B3GAT1: variants seen among roughly 807,000 people sequenced by gnomAD.
The protein encoded by B3GAT1 is beta-1,3-glucuronyltransferase 1.
In B3GAT1, 11 loss-of-function variants were observed where a neutral mutation model predicts 28.4. That is an observed-to-expected ratio of 0.39 (90% CI 0.24 to 0.64). The LOEUF is 0.64. Ranked by LOEUF, B3GAT1 falls within the 30% of genes least tolerant of loss-of-function variation. B3GAT1 has a pLI of 0.50. For missense variants in B3GAT1, 375 were observed against 491.0 expected (o/e 0.76, Z 2.23); for synonymous variants, 255 against 223.1 (o/e 1.14, Z -1.27).
intron 1 of B3GAT1, among the ~76,000 whole-genome samples, chr11:134,400,642 A>T (rs185237380): frequency 9.9e-5 from 15 of 152,204 alleles, no homozygotes; most frequent in Non-Finnish European, 2.2e-4. Flanking sequence ...ATGTTGTAAG[A>T]CTTCAAACTA....
chr11:134,387,245 T>A, intron 2 of B3GAT1: 5 of 297,768 alleles, frequency 1.7e-5, no homozygotes, highest in South Asian at 5.0e-5. Context: ...ACCTCCGACC[T>A]CAGCACTTCC....
chr11:134,387,973 A>G (rs1310696731), intron 1 of B3GAT1, 33 bp from the exon 2 acceptor site: 3 of 929,360 alleles, frequency 3.2e-6, no homozygotes, highest in Non-Finnish European at 3.1e-6. Context: ...ATAGCCAGAG[A>G]CCCAGGTATA....
In B3GAT1 at chr11:134,379,677, C is replaced by T. The variant is rs1196782801; in HGVS notation, c.*1085G>A. On this transcript the variant is annotated 3_prime_UTR_variant, in exon 6 of 6. Transcript: ENST00000312527. ...CCAGCAGCCCCTGCCCCCTCTTTCC[C>T]AGCCCCTCTGCTACTCCAGAGTCCC... 6.6e-6 allele frequency: 1 copy of T among 152,446 alleles called. No individual in the cohort carries two copies. The highest frequency in any genetic ancestry group is 1.5e-5 in the Non-Finnish European group (1 of 68,202). 9.4% of individuals were successfully genotyped at this position (152,446 alleles called of 1,614,324 possible). A position where few individuals can be genotyped will look rare whatever the true frequency, so the allele number is the denominator to read the frequency against.
At chr11:134,409,153 G>T (rs563321147) in intron 1 of B3GAT1, among the ~76,000 whole-genome samples, 2 of 152,192 alleles carry the variant, frequency 1.3e-5, no homozygotes, top group African/African-American at 4.8e-5. Context: ...CCAGGAAGCC[G>T]GGGCTTAGAG....
chr11:134,388,642 T>G (rs1468431987), intron 1 of B3GAT1: 4 of 152,340 alleles, frequency 2.6e-5, no homozygotes, highest in Non-Finnish European at 5.9e-5. Context: ...GTGTGTATTC[T>G]TCTCATGTTT....
At position 134,393,840 on chromosome 11, in the gene B3GAT1, A is replaced by C. The variant is rs80021729; in HGVS notation, c.-281-5900T>G. Reference sequence around the variant, plus strand: ...CTGCTGGTTAAGACAGCTGCTGTTCATATCATCTCTGTCACCCAGGAACCC... The same window carrying C: ...CTGCTGGTTAAGACAGCTGCTGTTCCTATCATCTCTGTCACCCAGGAACCC... On this transcript the variant is annotated intron_variant, in intron 1 of 5. Transcript: ENST00000312527. The surrounding 1 kb of genome is among the most constrained non-coding windows in gnomAD (Gnocchi z 4.0). Among the ~76,000 whole-genome samples the C allele has an allele frequency of 0.1, 15,292 of 152,162 alleles. 896 individuals are homozygous for C. The highest frequency in any genetic ancestry group is 0.13 in the Non-Finnish European group (9,167 of 67,960).
At chr11:134,387,470 A>T in intron 2 of B3GAT1, 78 bp downstream of exon 2, 10 of 1,576,858 alleles carry the variant, frequency 6.3e-6, no homozygotes, top group Non-Finnish European at 7.7e-6. Context: ...GAGTGCAAGC[A>T]AGAACCCTGC....
At position 134,411,969 on chromosome 11, in the gene B3GAT1, G is replaced by T. The variant is rs1478601686; in HGVS notation, c.-444C>A. 2.1e-5 allele frequency: 3 copies of T among 141,168 alleles called. No homozygotes were observed. Among genetic ancestry groups the T allele is most frequent in the Non-Finnish European group, 3.1e-5 (2 of 63,654 alleles). 8.7% of individuals were successfully genotyped at this position (141,168 alleles called of 1,614,324 possible). ...CCGGGGGCCACTTCATAGCCGCGGG[G>T]TCCGCGCGCCCGCCCGCCCCGCCCG... On this transcript the variant is annotated 5_prime_UTR_variant, in exon 1 of 6. Transcript: ENST00000312527. This position sits in a 1 kb window ranked among gnomAD's most constrained non-coding sequence, Gnocchi z 6.0.
intron 1 of B3GAT1, among the ~76,000 whole-genome samples, chr11:134,408,722 G>T (rs1251601551): frequency 4.3e-4 from 33 of 77,200 alleles, no homozygotes; most frequent in Admixed American, 4.0e-3. Context: ...AGCCTGCACC[G>T]ATTCCAGTGG....
intron 1 of B3GAT1, among the ~76,000 whole-genome samples, chr11:134,400,440 C>G (rs114265866): frequency 6.6e-6 from 1 of 152,144 alleles, no homozygotes; most frequent in African/African-American, 2.4e-5. Flanking sequence ...CGGAAAACAC[C>G]TAGCATAAGG....
intron 1 of B3GAT1, among the ~76,000 whole-genome samples, chr11:134,401,973 G>C (rs1012794832): frequency 5.7e-5 from 7 of 123,000 alleles, no homozygotes; most frequent in South Asian, 3.7e-4. Flanking sequence ...CCTGGGGCGG[G>C]GGGGGGCGGG....
chr11:134,387,250 A>C, intron 2 of B3GAT1: 1 of 344,542 alleles, frequency 2.9e-6, no homozygotes, highest in South Asian at 5.0e-5. Context: ...CGACCTCAGC[A>C]CTTCCCCAGG....
At chr11:134,394,597 C>T (rs78212286) in intron 1 of B3GAT1, among the ~76,000 whole-genome samples, 1 of 152,198 alleles carries the variant, frequency 6.6e-6, no homozygotes, top group African/African-American at 2.4e-5. Context: ...GCTCTCCCCC[C>T]ACCCTGCCCT....
At chr11:134,384,229 G>C (rs557131019) in intron 2 of B3GAT1, 41 bp from the exon 3 acceptor site, 2 of 1,510,842 alleles carry the variant, frequency 1.3e-6, no homozygotes, top group East Asian at 4.6e-5. Flanking sequence ...GGAGAGCGCC[G>C]GCTACGGCCC....
intron 5 of B3GAT1, chr11:134,381,665 T>G: frequency 2.2e-6 from 1 of 445,364 alleles, no homozygotes; most frequent in Non-Finnish European, 4.1e-6. Flanking sequence ...AGCAGAAAAA[T>G]CAGCAAGATG....
chr11:134,396,638 A>G (rs1240213614), intron 1 of B3GAT1, among the ~76,000 whole-genome samples: 1 of 151,930 alleles, frequency 6.6e-6, no homozygotes, highest in Non-Finnish European at 1.5e-5. Context: ...AAAAAAAATC[A>G]GGCAAACCGT....
At chr11:134,396,899 G>A (rs1195127775) in intron 1 of B3GAT1, among the ~76,000 whole-genome samples, 4 of 152,158 alleles carry the variant, frequency 2.6e-5, no homozygotes, top group African/African-American at 4.8e-5. Flanking sequence ...GGCCCCTGAC[G>A]GCGTCCTTTG....
intron 1 of B3GAT1, among the ~76,000 whole-genome samples, chr11:134,401,365 G>T (rs757664871): frequency 6.6e-6 from 1 of 152,214 alleles, no homozygotes; most frequent in Non-Finnish European, 1.5e-5. Context: ...TGACGAAGAC[G>T]TGGTACACAT....
chr11:134,402,803 C>T (rs1944645888), intron 1 of B3GAT1, among the ~76,000 whole-genome samples: 1 of 151,770 alleles, frequency 6.6e-6, no homozygotes, highest in African/African-American at 2.4e-5. Context: ...ATCCCAGCTA[C>T]TGGGGAGGCT....
Sources: allele counts gnomAD v4.1 joint callset (sites outside exome capture counted in the v4.1 genomes callset), GRCh38; gene constraint gnomAD v4.1.1; non-coding constraint Gnocchi (gnomAD v3.1); transcripts MANE v1.5; gene names NCBI Gene and HGNC (gene_info 2026-07-23, HGNC 2026-07-21).